The following AJAP1 variants were observed in gnomAD, a reference collection of about 807,000 sequenced individuals.
The protein encoded by AJAP1 is adherens junction-associated protein 1.
AJAP1 carries 5 observed loss-of-function variants against 35.0 expected under a neutral mutation model. The ratio of observed to expected loss-of-function variants is 0.14; its 90% CI spans 0.07 to 0.30. The LOEUF (loss-of-function observed/expected upper bound fraction) is 0.30. AJAP1 is among the 10% of genes least tolerant of loss of function. The pLI is 1.00. For synonymous variants in AJAP1, 284 were observed against 249.3 expected (o/e 1.14, Z -1.31); for missense variants, 586 against 571.0 (o/e 1.03, Z -0.27).
At position 4,769,883 on chromosome 1, in the gene AJAP1, C is replaced by T; in HGVS notation, c.860C>T (p.Thr287Ile). The T allele has an allele frequency of 6.2e-7, 1 of 1,614,140 alleles. No individual in the cohort carries two copies. Among genetic ancestry groups the T allele is most frequent in the Non-Finnish European group, 8.5e-7 (1 of 1,180,004 alleles). Residue 287 changes from threonine (T) to isoleucine (I), a missense_variant, in exon 3 of 6, where the codon ACC becomes ATC. By Grantham distance (89) the Thr-to-Ile change is moderately conservative. Transcript: ENST00000378191. Reference sequence around the variant, plus strand: ...GCTGTCCATCAGATCATCACCATCACCGTCTCCCTCATCATGGTCATAGCT... The same window carrying T: ...GCTGTCCATCAGATCATCACCATCATCGTCTCCCTCATCATGGTCATAGCT... ...GLAVHQIITI[T>I]VSLIMVIAAL...
intron 1 of AJAP1, among the ~76,000 whole-genome samples, chr1:4,690,076 C>T (rs188061934): frequency 3.2e-4 from 48 of 152,262 alleles, no homozygotes; most frequent in Non-Finnish European, 5.4e-4. Flanking sequence ...ATTTCCCACT[C>T]GCTGACAAAG....
chr1:4,738,191 C>T (rs1640974504), intron 2 of AJAP1, among the ~76,000 whole-genome samples: 1 of 152,232 alleles, frequency 6.6e-6, no homozygotes, highest in South Asian at 2.1e-4. Context: ...AGCCACATGG[C>T]AGGCCACGGC....
chr1:4,660,787 C>T (rs1638983817), intron 1 of AJAP1, among the ~76,000 whole-genome samples: 1 of 152,152 alleles, frequency 6.6e-6, no homozygotes, highest in Non-Finnish European at 1.5e-5. Flanking sequence ...ACGAAAAATT[C>T]AGCAGCATAT....
intron 2 of AJAP1, among the ~76,000 whole-genome samples, chr1:4,753,737 TA>T: frequency 6.6e-6 from 1 of 152,264 alleles, no homozygotes; most frequent in African/African-American, 2.4e-5. Context: ...CACGCCCAGC[TA>T]ATTTTGTATT....
At chr1:4,773,086 C>T (rs929464191) in intron 4 of AJAP1, among the ~76,000 whole-genome samples, 6 of 152,132 alleles carry the variant, frequency 3.9e-5, no homozygotes, top group Admixed American at 3.9e-4. Flanking sequence ...TAAAAAAACC[C>T]TTGAGTCAGC....
chr1:4,666,114 C>T (rs904204250), intron 1 of AJAP1, among the ~76,000 whole-genome samples: 1 of 148,732 alleles, frequency 6.7e-6, no homozygotes, highest in Non-Finnish European at 1.5e-5. Context: ...AGGGGCACCC[C>T]GCAGTGAAAT....
At chr1:4,759,599 G>A (rs369858283) in intron 2 of AJAP1, among the ~76,000 whole-genome samples, 1 of 152,092 alleles carries the variant, frequency 6.6e-6, no homozygotes, top group African/African-American at 2.4e-5. Flanking sequence ...TCTGTACGGG[G>A]GCCTCTGGAC....
intron 2 of AJAP1, among the ~76,000 whole-genome samples, chr1:4,732,909 C>T (rs1419541707): frequency 2.0e-5 from 3 of 152,206 alleles, no homozygotes; most frequent in African/African-American, 4.8e-5. Flanking sequence ...GGAGGAACTG[C>T]GTCTCCAAAT....
At position 4,784,592 on chromosome 1, in the gene AJAP1, G is replaced by C. The variant is rs1311336647; in HGVS notation, c.*2107G>C. ...CACTTTTGTATCTCCTGAAACATGT[G>C]AACCTAGAGTAAGGCCTCCGGAGGT... On this transcript the variant is annotated 3_prime_UTR_variant, in exon 6 of 6. Transcript: ENST00000378191. 1 of 152,232 alleles carries C rather than the reference G, an allele frequency of 6.6e-6. No homozygotes were observed. Among genetic ancestry groups the C allele is most frequent in the Non-Finnish European group, 1.5e-5 (1 of 68,044 alleles). 9.4% of individuals were successfully genotyped at this position (152,232 alleles called of 1,614,324 possible). A position where few individuals can be genotyped will look rare whatever the true frequency, so the allele number is the denominator to read the frequency against.
At chr1:4,752,514 T>G (rs967778153) in intron 2 of AJAP1, among the ~76,000 whole-genome samples, 6 of 152,174 alleles carry the variant, frequency 3.9e-5, no homozygotes, top group Non-Finnish European at 8.8e-5. Context: ...TCCACCTGGC[T>G]CATAGCAGGC....
Position 4,723,045 on chromosome 1 carries a change from G to T in AJAP1, c.829+10346G>T, listed in dbSNP as rs182940077. Among the ~76,000 whole-genome samples, 1 of 152,316 alleles carries T rather than the reference G, an allele frequency of 6.6e-6. No homozygotes were observed. The highest frequency in any genetic ancestry group is 1.9e-4 in the East Asian group (1 of 5,188). ...TTCTAGGGGGAAGACAGGAGGCAAT[G>T]ATACCAGATGGGACGTGATAACTTG... On this transcript the variant is annotated intron_variant, in intron 2 of 5. Transcript: ENST00000378191. The surrounding 1 kb of genome is among the most constrained non-coding windows in gnomAD (Gnocchi z 4.3).
At chr1:4,729,693 G>A (rs1640755141) in intron 2 of AJAP1, among the ~76,000 whole-genome samples, 1 of 134,288 alleles carries the variant, frequency 7.4e-6, no homozygotes, top group African/African-American at 2.8e-5. Context: ...CCACCCCGAT[G>A]GCCTCATTTT....
intron 1 of AJAP1, among the ~76,000 whole-genome samples, chr1:4,690,830 G>T (rs1639723026): frequency 1.3e-5 from 2 of 152,186 alleles, no homozygotes; most frequent in South Asian, 2.1e-4. Context: ...TGGTGCCTGA[G>T]CAAGGGGCGT....
Position 4,783,660 on chromosome 1 carries a change from T to C in AJAP1, c.*1175T>C, listed in dbSNP as rs1340991151. On this transcript the variant is annotated 3_prime_UTR_variant, in exon 6 of 6. Coordinates refer to ENST00000378191, the MANE Select transcript of AJAP1 (RefSeq NM_018836.4). ...CCTAACAGCCACGTTCACATTTACG[T>C]AGCTGGTTGCTTACAAACGGGCCTG... 3 of 151,618 alleles carry C rather than the reference T, an allele frequency of 2.0e-5. No homozygotes were observed. The highest frequency in any genetic ancestry group is 7.3e-5 in the African/African-American group (3 of 41,210). 9.4% of individuals were successfully genotyped at this position (151,618 alleles called of 1,614,324 possible). A position where few individuals can be genotyped will look rare whatever the true frequency, so the allele number is the denominator to read the frequency against.
chr1:4,729,816 C>T (rs980494217), intron 2 of AJAP1, among the ~76,000 whole-genome samples: 5 of 152,190 alleles, frequency 3.3e-5, no homozygotes, highest in African/African-American at 1.2e-4. Context: ...ACCCATTGCA[C>T]TTGTTGTTGG....
At position 4,723,998 on chromosome 1, in the gene AJAP1, C is replaced by T. The variant is rs1205514556; in HGVS notation, c.829+11299C>T. ...AGGTGTCCAAGAAAAGCCTGGTTTCCGAATTCTGTGTTTCTCCCCGAGGGC... is the reference window on the plus strand; with the variant it reads ...AGGTGTCCAAGAAAAGCCTGGTTTCTGAATTCTGTGTTTCTCCCCGAGGGC... On this transcript the variant is annotated intron_variant, in intron 2 of 5. Transcript: ENST00000378191. The surrounding 1 kb of genome is among the most constrained non-coding windows in gnomAD (Gnocchi z 4.3). Among the ~76,000 whole-genome samples the T allele has an allele frequency of 3.9e-5, 6 of 152,264 alleles. No individual in the cohort carries two copies. Among genetic ancestry groups the T allele is most frequent in the Admixed American group, 6.5e-5 (1 of 15,308 alleles).
chr1:4,749,650 GAGC>G (rs1641277102), intron 2 of AJAP1, among the ~76,000 whole-genome samples: 1 of 152,228 alleles, frequency 6.6e-6, no homozygotes, highest in Non-Finnish European at 1.5e-5. Flanking sequence ...TCATCACCGG[GAGC>G]TGTGCACAGA....
intron 1 of AJAP1, among the ~76,000 whole-genome samples, chr1:4,699,770 A>G (rs76235097): frequency 0.02 from 3,016 of 152,280 alleles, 90 homozygotes; most frequent in South Asian, 0.12. Flanking sequence ...ACTTCATTCC[A>G]GAGAAAGACA....
chr1:4,760,804 A>G (rs1641548019), intron 2 of AJAP1, among the ~76,000 whole-genome samples: 1 of 152,232 alleles, frequency 6.6e-6, no homozygotes, highest in Non-Finnish European at 1.5e-5. Context: ...TGGCCACACC[A>G]TGGAGGGGGC....
Sources: gnomAD v4.1 joint callset for allele counts (sites outside exome capture counted in the v4.1 genomes callset) on GRCh38, gnomAD v4.1.1 for gene constraint, Gnocchi (gnomAD v3.1) non-coding constraint, MANE v1.5 for transcripts, NCBI Gene and HGNC (gene_info 2026-07-23, HGNC 2026-07-21) for gene names.